Variants in DCAF8 observed in about 807,000 individuals in gnomAD.
DCAF8 encodes the protein DDB1 and CUL4 associated factor 8, also known as DDB1- and CUL4-associated factor 8.
DCAF8 carries 20 observed loss-of-function variants against 68.0 expected under a neutral mutation model. The ratio of observed to expected loss-of-function variants is 0.29; its 90% CI spans 0.21 to 0.43. The LOEUF is 0.43. Among genes scored for constraint, DCAF8 ranks in the 20% least tolerant of loss-of-function variants. The pLI, the probability that DCAF8 is intolerant of heterozygous loss-of-function variation, is 1.00. For synonymous variants in DCAF8, 230 were observed against 276.9 expected (o/e 0.83, Z 1.68); for missense variants, 460 against 771.0 (o/e 0.60, Z 4.78).
At chr1:160,240,454 A>G in intron 3 of DCAF8, 84 bp from the exon 4 acceptor site, 1 of 1,334,926 alleles carries the variant, frequency 7.5e-7, no homozygotes, top group Admixed American at 2.3e-5. Flanking sequence ...AAATCTTCAC[A>G]TCAAAAGACC....
At chr1:160,237,052 CAG>C (rs1358168611) in intron 6 of DCAF8, 81 bp downstream of exon 6, 4 of 967,944 alleles carry the variant, frequency 4.1e-6, no homozygotes, top group Non-Finnish European at 6.1e-6. Context: ...TCGGATGAAC[CAG>C]AGTTAGGCAT....
intron 8 of DCAF8, 70 bp from the exon 9 acceptor site, chr1:160,225,189 T>C: frequency 6.8e-7 from 1 of 1,461,412 alleles, no homozygotes; most frequent in Non-Finnish European, 9.5e-7. Context: ...AGGAAACAGC[T>C]TTTCCTTCAA....
chr1:160,228,196 T>C (rs952224315), intron 7 of DCAF8, among the ~76,000 whole-genome samples: 7 of 151,990 alleles, frequency 4.6e-5, no homozygotes, highest in Non-Finnish European at 1.0e-4. Context: ...CAAAGTGCTC[T>C]AGTTTTATAG....
intron 2 of DCAF8, among the ~76,000 whole-genome samples, chr1:160,252,459 G>A (rs1279667607): frequency 1.3e-5 from 2 of 152,176 alleles, no homozygotes; most frequent in Non-Finnish European, 1.5e-5. Context: ...AGCAAGAAAA[G>A]ATATGGAGGT....
At position 160,239,847 on chromosome 1, in the gene DCAF8, G is replaced by C. The variant is rs777867137; in HGVS notation, c.573C>G (p.Gly191=). Reference sequence around the variant, plus strand: ...GCAGGGTATTGACACAACCAGTATGGCCCTCAAGCCCATGCTGCAGGCGGA... The same window carrying C: ...GCAGGGTATTGACACAACCAGTATGCCCCTCAAGCCCATGCTGCAGGCGGA... ...QRFRLQHGLE[G]HTGCVNTLHF... Residue 191 remains glycine, a synonymous_variant, in exon 4 of 14, where the codon GGC becomes GGG. Transcript: ENST00000368074. The C allele has an allele frequency of 6.2e-7, 1 of 1,614,252 alleles. No homozygotes were observed. The highest frequency in any genetic ancestry group is 1.3e-5 in the African/African-American group (1 of 75,068).
At chr1:160,225,766 A>C in intron 7 of DCAF8, 103 bp from the exon 8 acceptor site, 1 of 875,722 alleles carries the variant, frequency 1.1e-6, no homozygotes, top group Admixed American at 2.4e-5. Flanking sequence ...GATGCAGATA[A>C]ACAACATTTT....
At chr1:160,244,174 C>T in intron 2 of DCAF8, 140 bp from the exon 3 acceptor site, 1 of 628,712 alleles carries the variant, frequency 1.6e-6, no homozygotes, top group Non-Finnish European at 2.8e-6. Flanking sequence ...AACAGGTCTT[C>T]TCAGCTTGTG....
At position 160,248,820 on chromosome 1, in the gene DCAF8, G is replaced by A. The variant is rs968245443; in HGVS notation, c.-26-4786C>T. Among the ~76,000 whole-genome samples the A allele has an allele frequency of 5.3e-5, 8 of 152,076 alleles. No homozygotes were observed. In the East Asian group the frequency reaches 1.5e-3, roughly 29 times the overall value. ...GAGGTGGGAGGATCACTTAAGTCTAGGAGTTCAAGGCTGCAGTGAGCTATG... is the reference window on the plus strand; with the variant it reads ...GAGGTGGGAGGATCACTTAAGTCTAAGAGTTCAAGGCTGCAGTGAGCTATG... On this transcript the variant is annotated intron_variant, in intron 2 of 13. Transcript: ENST00000368074.
Position 160,225,589 on chromosome 1 carries a change from A to T in DCAF8, c.1143+2T>A. The T allele has an allele frequency of 6.2e-7, 1 of 1,612,172 alleles. No individual in the cohort carries two copies. The highest frequency in any genetic ancestry group is 8.5e-7 in the Non-Finnish European group (1 of 1,178,438). On this transcript the variant is annotated splice_donor_variant, in intron 8 of 13. Transcript: ENST00000368074. LOFTEE classifies it high-confidence loss of function. ...CAGCAACTGGCCCTTCATGAATCTT[A>T]CCAGGTGATGAGGACAGAACTTCTT... is the stretch of plus-strand genomic sequence containing the variant.
intron 2 of DCAF8, among the ~76,000 whole-genome samples, chr1:160,249,835 A>C (rs1480108855): frequency 6.6e-6 from 1 of 152,256 alleles, no homozygotes; most frequent in African/African-American, 2.4e-5. Context: ...CTACTGATAC[A>C]AGCAACAACA....
rs770452717 is a variant in DCAF8 at position 160,216,279 on chromosome 1, AAG to A, written c.*1311_*1312del. On this transcript the variant is annotated 3_prime_UTR_variant, in exon 14 of 14. Transcript: ENST00000368074. ...GCTTAATGATCAAGCAGCTAAAGGT[AAG>A]AGAGACAGAGTGAGAGAGTGTGTAT... The A allele has an allele frequency of 2.6e-5, 4 of 152,156 alleles. No individual in the cohort carries two copies. The highest frequency in any genetic ancestry group is 1.9e-4 in the East Asian group (1 of 5,182). 9.4% of individuals were successfully genotyped at this position (152,156 alleles called of 1,614,324 possible).
chr1:160,245,013 T>C (rs1443436401), intron 2 of DCAF8, among the ~76,000 whole-genome samples: 1 of 152,222 alleles, frequency 6.6e-6, no homozygotes, highest in Non-Finnish European at 1.5e-5. Context: ...AGTTGTTTTG[T>C]TTCCCTTAGG....
Position 160,237,115 on chromosome 1 carries a change from G to A in DCAF8, c.959+20C>T. 1 of 1,509,968 alleles carries A rather than the reference G, an allele frequency of 6.6e-7. No individual in the cohort carries two copies. Among genetic ancestry groups the A allele is most frequent in the South Asian group, 1.2e-5 (1 of 82,514 alleles). The allele number at this position is 1,509,968 out of a possible 1,614,324, so 93.5% of individuals were successfully genotyped here. A position where few individuals can be genotyped will look rare whatever the true frequency, so the allele number is the denominator to read the frequency against. ...AGGCTAAGAGATACAGTTCTGTAAT[G>A]ATATTACTGCTACACTTACGACGCT... On this transcript the variant is annotated intron_variant, in intron 6 of 13. Coordinates refer to ENST00000368074, the MANE Select transcript of DCAF8 (RefSeq NM_015726.4).
chr1:160,235,999 A>G (rs1295474614), intron 6 of DCAF8, among the ~76,000 whole-genome samples: 2 of 152,174 alleles, frequency 1.3e-5, no homozygotes, highest in Non-Finnish European at 1.5e-5. Context: ...TTGGCCTCCC[A>G]AAGTGCTGGG....
chr1:160,236,725 T>C (rs888395561), intron 6 of DCAF8, among the ~76,000 whole-genome samples: 1 of 152,218 alleles, frequency 6.6e-6, no homozygotes, highest in Admixed American at 6.5e-5. Flanking sequence ...CAACTACAGC[T>C]ACCAGTATTT....
In DCAF8 at chr1:160,246,152, A is replaced by AG. The variant is rs1656328617; in HGVS notation, c.-26-2119_-26-2118insC. Among the ~76,000 whole-genome samples the AG allele has an allele frequency of 4.6e-5, 7 of 152,034 alleles. No homozygotes were observed. In the South Asian group the frequency reaches 1.5e-3, roughly 32 times the overall value. On this transcript the variant is annotated intron_variant, in intron 2 of 13. Transcript: ENST00000368074. Reference sequence around the variant, plus strand: ...AGCAAACTCCGTCTCAAAAAAAAAAATTAAAAAAAACTTATAAACTAAGGT... The same window carrying AG: ...AGCAAACTCCGTCTCAAAAAAAAAAAGTTAAAAAAAACTTATAAACTAAGGT...
rs548579569 is a variant in DCAF8, at chr1:160,217,888, T to C, written c.1678-180A>G. ...GTCTTTATTGCAACTATTCAACTCA[T>C]TGTAGCGTGAAGGCCGCCACAGACA... On this transcript the variant is annotated intron_variant, in intron 13 of 13. Coordinates refer to ENST00000368074, the MANE Select transcript of DCAF8 (RefSeq NM_015726.4). 5.0e-5 allele frequency: 28 copies of C among 556,144 alleles called. No individual in the cohort carries two copies. The African/African-American group carries it at 5.1e-4, about 10-fold the overall frequency. The allele number at this position is 556,144 out of a possible 1,614,324, so 34.5% of individuals were successfully genotyped here. A position where few individuals can be genotyped will look rare whatever the true frequency, so the allele number is the denominator to read the frequency against.
chr1:160,233,324 G>A (rs933345419), intron 6 of DCAF8, among the ~76,000 whole-genome samples: 3 of 152,064 alleles, frequency 2.0e-5, no homozygotes, highest in African/African-American at 7.2e-5. Context: ...TGAGGTGGGA[G>A]GATCGTTTGA....
intron 2 of DCAF8, among the ~76,000 whole-genome samples, chr1:160,248,907 A>T (rs1399651343): frequency 6.6e-6 from 1 of 150,540 alleles, no homozygotes; most frequent in Admixed American, 6.6e-5. Flanking sequence ...AAAAAAAAAA[A>T]GAGGGCGGGT....
Sources: allele counts gnomAD v4.1 joint callset (sites outside exome capture counted in the v4.1 genomes callset), GRCh38; gene constraint gnomAD v4.1.1; transcripts MANE v1.5; gene names NCBI Gene and HGNC (gene_info 2026-07-23, HGNC 2026-07-21).